ABCA7: variants seen among roughly 807,000 people sequenced by gnomAD.
ABCA7 encodes the protein ATP binding cassette subfamily A member 7.
In ABCA7, 261 loss-of-function variants were observed where a neutral mutation model predicts 227.6. The ratio of observed to expected loss-of-function variants is 1.15; its 90% CI spans 1.04 to 1.27. The LOEUF (loss-of-function observed/expected upper bound fraction) is 1.27. Ranked by LOEUF, ABCA7 falls within the 50% of genes most tolerant of loss-of-function variation. The pLI is 0.00. For missense variants in ABCA7, 3,331 were observed against 2,924.5 expected, an observed-to-expected ratio of 1.14 and a Z score of -3.21; for synonymous variants, 1,488 against 1,279.7, an observed-to-expected ratio of 1.16 and a Z score of -3.47.
At position 1,056,072 on chromosome 19, in the gene ABCA7, A is replaced by C; in HGVS notation, c.4245A>C (p.Gly1415=). Reference sequence around the variant, plus strand: ...TGCCTGCATGGCCCCACAGATACGGAGGCTTCTCGCTGGGGGGCCGAGACC... The same window carrying C: ...TGCCTGCATGGCCCCACAGATACGGCGGCTTCTCGCTGGGGGGCCGAGACC... The part of the protein sequence containing the change: ...TKKWVNEVRY[G]GFSLGGRDPG... The change falls in exon 32 of 47, where the codon GGA becomes GGC. Residue 1415 remains glycine (G), a synonymous_variant. Transcript: ENST00000263094. The surrounding 1 kb of genome is among the most constrained non-coding windows in gnomAD (Gnocchi z 4.3). 1.9e-6 allele frequency: 3 copies of C among 1,590,972 alleles called. No individual in the cohort carries two copies. The highest frequency in any genetic ancestry group is 2.6e-6 in the Non-Finnish European group (3 of 1,167,288).
chr19:1,060,297 C>T (rs952175509), intron 40 of ABCA7, among the ~76,000 whole-genome samples: 7 of 151,434 alleles, frequency 4.6e-5, no homozygotes, highest in Non-Finnish European at 4.4e-5. Flanking sequence ...CGGTAACCTC[C>T]GCCTCCCAGG....
rs368024653 is a variant in ABCA7 at position 1,054,819 on chromosome 19, C to G, written c.3891C>G (p.Leu1297=). The change falls in exon 29 of 47, where the codon CTC becomes CTG. Residue 1297 remains leucine (L), a synonymous_variant. Transcript: ENST00000263094. The surrounding 1 kb of genome is among the most constrained non-coding windows in gnomAD (Gnocchi z 4.8). ...GGGACCCTGGACGTGCCCGGCTGCT[C>G]GAGGCGCTGCTGCAGGAGGCAGGAC... ...APGDPGRARL[L]EALLQEAGLE... is the part of the protein sequence containing the mutation. 1.3e-6 allele frequency: 2 copies of G among 1,578,062 alleles called. No individual in the cohort carries two copies. The highest frequency in any genetic ancestry group is 1.7e-6 in the Non-Finnish European group (2 of 1,162,642).
chr19:1,054,432 C>G lies in ABCA7; in HGVS notation c.3726+91C>G. ...CAGTGGCCTAATCCAAACCCTTACC[C>G]CCGTGTGTATTCCCAACCCAAAGCA... On this transcript the variant is annotated intron_variant, in intron 27 of 46. Transcript: ENST00000263094. The surrounding 1 kb of genome is among the most constrained non-coding windows in gnomAD (Gnocchi z 4.8). 6.4e-7 allele frequency: 1 copy of G among 1,550,878 alleles called. No individual in the cohort carries two copies. Among genetic ancestry groups the G allele is most frequent in the Non-Finnish European group, 8.7e-7 (1 of 1,150,412 alleles).
chr19:1,063,570 G>A lies in ABCA7; in HGVS notation c.5739G>A (p.Leu1913=). The change falls in exon 43 of 47, where the codon CTG becomes CTA. Residue 1913 remains leucine (L), a synonymous_variant. Transcript: ENST00000263094. ...AQTAGSGLAR[L]GLSWYADRPA... ...CCGCTGGCTCGGGCCTGGCGCGTCT[G>A]GGACTCTCATGGTACGCAGACCGGC... 3 of 1,611,028 alleles carry A rather than the reference G, an allele frequency of 1.9e-6. No individual in the cohort carries two copies. The highest frequency in any genetic ancestry group is 3.3e-5 in the Admixed American group (2 of 60,018).
In ABCA7 at chr19:1,051,249, G is replaced by A; in HGVS notation, c.2779G>A (p.Val927Met). 1.9e-6 allele frequency: 3 copies of A among 1,609,434 alleles called. No individual in the cohort carries two copies. Among genetic ancestry groups the A allele is most frequent in the Non-Finnish European group, 2.5e-6 (3 of 1,178,990 alleles). ...CGAGCAGGACCGTCTGCTGCAGGAT[G>A]TGGGGCTGGTCTCCAAGCAGAGTGT... Reference protein sequence around the residue: ...GPEQDRLLQDVGLVSKQSVQT... With the variant: ...GPEQDRLLQDMGLVSKQSVQT... Residue 927 changes from valine to methionine, a missense_variant, in exon 20 of 47, where the codon GTG (valine) becomes ATG (methionine). Coordinates refer to ENST00000263094, the MANE Select transcript of ABCA7 (RefSeq NM_019112.4).
chr19:1,046,252 G>A lies in ABCA7; in HGVS notation c.1468G>A (p.Ala490Thr). 6.2e-7 allele frequency: 1 copy of A among 1,607,172 alleles called. No individual in the cohort carries two copies. Among genetic ancestry groups the A allele is most frequent in the East Asian group, 2.2e-5 (1 of 44,864 alleles). The change falls in exon 13 of 47, where the codon GCG (alanine) becomes ACG (threonine). Residue 490 changes from alanine to threonine, a missense_variant. Transcript: ENST00000263094. ...RDRFWDPGPA[A>T]DPLTDLRYVW... ...CAGGTTTTGGGACCCTGGCCCAGCC[G>A]CGGACCCCCTGACCGACCTGCGCTA...
intron 40 of ABCA7, 120 bp downstream of exon 40, chr19:1,059,205 C>CTGTATGCCAATA: frequency 1.2e-6 from 1 of 854,948 alleles, no homozygotes; most frequent in East Asian, 3.3e-5. Context: ...TGGGCACCTA[C>CTGTATGCCAATA]TGTATGCCAA....
chr19:1,053,367 C>T lies in ABCA7; in HGVS notation c.3259C>T (p.Pro1087Ser). Residue 1087 changes from proline to serine, a missense_variant, in exon 24 of 47, where the codon CCC becomes TCC. By Grantham distance (74) the Pro-to-Ser change is moderately conservative. Transcript: ENST00000263094. The stretch of plus-strand genomic sequence containing the variant: ...GCTGGCCCTGGTACAGCACTGGGTG[C>T]CCGGGGCACGGCTGGTGGAGGAGCT... ...QLLALVQHWV[P>S]GARLVEELPH... The T allele has an allele frequency of 5.0e-6, 8 of 1,609,468 alleles. No homozygotes were observed. Among genetic ancestry groups the T allele is most frequent in the Non-Finnish European group, 6.8e-6 (8 of 1,179,470 alleles).
intron 38 of ABCA7, 25 bp downstream of exon 38, chr19:1,058,772 G>A (rs757525324): frequency 1.9e-6 from 3 of 1,607,432 alleles, no homozygotes; most frequent in Non-Finnish European, 1.7e-6. Flanking sequence ...TGGAGAGGGT[G>A]GCAGGGGCCA....
At chr19:1,064,454 G>C (rs4147931) in intron 45 of ABCA7, among the ~76,000 whole-genome samples, 41,460 of 152,024 alleles carry the variant, frequency 0.27, 7,069 homozygotes, top group Non-Finnish European at 0.37. Context: ...CAGGAGGCGT[G>C]AGCCGGGGGC....
At chr19:1,045,964 G>A (rs982940665) in intron 12 of ABCA7, among the ~76,000 whole-genome samples, 6 of 145,580 alleles carry the variant, frequency 4.1e-5, no homozygotes, top group Admixed American at 2.1e-4. Flanking sequence ...CCGAGATGGC[G>A]CCACTGCACT....
At position 1,043,448 on chromosome 19, in the gene ABCA7, C is replaced by G; in HGVS notation, c.905C>G (p.Pro302Arg). The change falls in exon 9 of 47, where the codon CCT becomes CGT. Residue 302 changes from proline to arginine, a missense_variant. Coordinates refer to ENST00000263094, the MANE Select transcript of ABCA7 (RefSeq NM_019112.4). ...LGKLLFAPDT[P>R]FTRKLMAQVN... ...AAGCTACTCTTTGCACCAGATACAC[C>G]TTTTACCCGGAAGCTCATGGCCCAG... is the stretch of plus-strand genomic sequence containing the variant. The G allele has an allele frequency of 1.9e-6, 3 of 1,613,366 alleles. No individual in the cohort carries two copies. Among genetic ancestry groups the G allele is most frequent in the Non-Finnish European group, 2.5e-6 (3 of 1,180,036 alleles).
At chr19:1,060,411 A>G (rs1325735212) in intron 40 of ABCA7, among the ~76,000 whole-genome samples, 1 of 151,348 alleles carries the variant, frequency 6.6e-6, no homozygotes, top group Non-Finnish European at 1.5e-5. Context: ...GGGTTTCACC[A>G]TGTTGGCCAG....
chr19:1,052,382 G>GAA, intron 23 of ABCA7, 96 bp downstream of exon 23: 1 of 897,494 alleles, frequency 1.1e-6, no homozygotes, highest in African/African-American at 2.8e-5. Context: ...AGGAGGAGGA[G>GAA]GGGGAGGAAG....
rs754757371 is a variant in ABCA7 at position 1,041,608 on chromosome 19, GC to G, written c.160+12del. The G allele has an allele frequency of 8.7e-6, 14 of 1,610,690 alleles. No homozygotes were observed. The highest frequency in any genetic ancestry group is 1.1e-5 in the Non-Finnish European group (13 of 1,179,660). Reference sequence around the variant, plus strand: ...CGCCCCTGGAGCACCATGAATGTGAGCCCCCCCAGGGACCAGGCACTTTGTG... The same window carrying G: ...CGCCCCTGGAGCACCATGAATGTGAGCCCCCCAGGGACCAGGCACTTTGTG... On this transcript the variant is annotated splice_donor_region_variant and intron_variant, in intron 3 of 46. Transcript: ENST00000263094.
rs1307986142 is a variant in ABCA7 at position 1,061,902 on chromosome 19, G to C, written c.5570+14G>C. The C allele has an allele frequency of 6.4e-6, 10 of 1,572,994 alleles. No homozygotes were observed. Among genetic ancestry groups the C allele is most frequent in the Non-Finnish European group, 8.6e-6 (10 of 1,162,624 alleles). On this transcript the variant is annotated intron_variant, in intron 41 of 46. Transcript: ENST00000263094. ...GGCAGGCCACAGGTGAGGGGTGCCA[G>C]GTAGGGTCAGGGTGGGGCAGGGTTG... is the stretch of plus-strand genomic sequence containing the variant.
Position 1,062,320 on chromosome 19 carries a change from C to T in ABCA7, c.5712+7C>T. On this transcript the variant is annotated splice_region_variant and intron_variant, in intron 42 of 46. Coordinates refer to ENST00000263094, the MANE Select transcript of ABCA7 (RefSeq NM_019112.4). ...GGAGGCCCAGGTTGCCCAGGTGAGC[C>T]CACTTTGTCCCCACCGCTCTCACCT... 6.2e-7 allele frequency: 1 copy of T among 1,600,536 alleles called. No individual in the cohort carries two copies. Among genetic ancestry groups the T allele is most frequent in the Non-Finnish European group, 8.5e-7 (1 of 1,179,036 alleles).
intron 30 of ABCA7, 149 bp downstream of exon 30, chr19:1,055,500 T>C (rs1466825688): frequency 1.6e-4 from 8 of 50,808 alleles, no homozygotes; most frequent in Non-Finnish European, 1.7e-4. Flanking sequence ...TCCTTTCCTC[T>C]TTTTTTTTTT....
At chr19:1,044,434 G>A (rs2040395661) in intron 10 of ABCA7, 143 bp from the exon 11 acceptor site, 2 of 921,270 alleles carry the variant, frequency 2.2e-6, no homozygotes, top group Admixed American at 5.8e-5. Context: ...TTTTAGTAGA[G>A]ATGGGCTTTC....
Sources: gnomAD v4.1 joint callset for allele counts (sites outside exome capture counted in the v4.1 genomes callset) on GRCh38, gnomAD v4.1.1 for gene constraint, Gnocchi (gnomAD v3.1) non-coding constraint, MANE v1.5 for transcripts, NCBI Gene and HGNC (gene_info 2026-07-23, HGNC 2026-07-21) for gene names.